Variants in ANO6 observed in about 807,000 individuals in gnomAD.
ANO6 encodes anoctamin-6.
In ANO6, 106 loss-of-function variants were observed where a neutral mutation model predicts 117.5. That is an observed-to-expected ratio of 0.90 (90% confidence interval 0.77 to 1.06). ANO6 has a LOEUF of 1.06. ANO6 is among the 50% of genes least tolerant of loss of function. The pLI, the probability that ANO6 is intolerant of heterozygous loss-of-function variation, is 0.00. For synonymous variants in ANO6, 367 were observed against 385.1 expected (o/e 0.95, Z 0.55); for missense variants, 955 against 1,121.1 (o/e 0.85, Z 2.12).
At chr12:45,258,233 A>G (rs867398901) in intron 1 of ANO6, among the ~76,000 whole-genome samples, 1 of 152,338 alleles carries the variant, frequency 6.6e-6, no homozygotes, top group Middle Eastern at 3.4e-3. Flanking sequence ...TGTATTCAGT[A>G]TAGTGCCTGA....
At chr12:45,253,989 A>G (rs1157523534) in intron 1 of ANO6, among the ~76,000 whole-genome samples, 1 of 152,178 alleles carries the variant, frequency 6.6e-6, no homozygotes, top group Non-Finnish European at 1.5e-5. Flanking sequence ...CAACATGGTG[A>G]AACCCCGTCT....
chr12:45,316,688 T>TA (rs1363901045), intron 2 of ANO6, among the ~76,000 whole-genome samples: 1 of 151,988 alleles, frequency 6.6e-6, no homozygotes, highest in Non-Finnish European at 1.5e-5. Flanking sequence ...TCTTAGGTGT[T>TA]ATAGATTAAA....
chr12:45,404,834 C>T (rs929250248), intron 15 of ANO6, among the ~76,000 whole-genome samples: 2 of 152,170 alleles, frequency 1.3e-5, no homozygotes, highest in African/African-American at 4.8e-5. Context: ...TGCCATGTTG[C>T]CCTCTTGCCT....
intron 15 of ANO6, among the ~76,000 whole-genome samples, chr12:45,405,623 A>G (rs1350597337): frequency 1.3e-5 from 2 of 152,210 alleles, no homozygotes; most frequent in Non-Finnish European, 2.9e-5. Flanking sequence ...TATCAAAGAT[A>G]TATCAGCCAG....
chr12:45,368,658 T>C (rs1312744467), intron 9 of ANO6, among the ~76,000 whole-genome samples: 1 of 152,142 alleles, frequency 6.6e-6, no homozygotes, highest in Non-Finnish European at 1.5e-5. Context: ...TTCAGAGCAT[T>C]TTCCTTACAA....
intron 7 of ANO6, among the ~76,000 whole-genome samples, chr12:45,352,782 C>T (rs1027315291): frequency 1.3e-5 from 2 of 151,858 alleles, no homozygotes; most frequent in Non-Finnish European, 2.9e-5. Context: ...TCAGATTTCC[C>T]TTATTGTCCC....
intron 2 of ANO6, among the ~76,000 whole-genome samples, chr12:45,327,084 A>G (rs1262352991): frequency 1.3e-5 from 2 of 152,200 alleles, no homozygotes; most frequent in African/African-American, 2.4e-5. Flanking sequence ...GGATTTCATC[A>G]GTAAGAAGAC....
intron 2 of ANO6, among the ~76,000 whole-genome samples, chr12:45,314,692 G>A (rs1219793514): frequency 6.6e-6 from 1 of 151,928 alleles, no homozygotes; most frequent in African/African-American, 2.4e-5. Flanking sequence ...ATATAATCAG[G>A]ATTTTACCAG....
Position 45,235,540 on chromosome 12 carries a change from G to A in ANO6, c.70+19149G>A, listed in dbSNP as rs151036316. ...TTCTATTCAAAAGCAGCTTCTCAGG[G>A]CTGAGGAATGACCTAGTTGAGTGGC... On this transcript the variant is annotated intron_variant, in intron 1 of 19. Coordinates refer to ENST00000320560, the MANE Select transcript of ANO6 (RefSeq NM_001025356.3). Among the ~76,000 whole-genome samples, 244 of 152,264 alleles carry A rather than the reference G, an allele frequency of 1.6e-3. 2 individuals carry two copies. The highest frequency in any genetic ancestry group is 5.6e-3 in the African/African-American group (233 of 41,542).
At chr12:45,388,127 A>C (rs760527647) in intron 10 of ANO6, 34 bp from the exon 11 acceptor site, 1 of 1,612,986 alleles carries the variant, frequency 6.2e-7, no homozygotes, top group African/African-American at 1.3e-5. Flanking sequence ...GTCATCATTG[A>C]AAATCCACAC....
intron 9 of ANO6, among the ~76,000 whole-genome samples, chr12:45,373,668 A>G (rs1386833039): frequency 6.6e-6 from 1 of 152,226 alleles, no homozygotes; most frequent in African/African-American, 2.4e-5. Context: ...ACCAATGAGA[A>G]CAAAGACACA....
chr12:45,394,664 C>G (rs1399007149), intron 12 of ANO6, among the ~76,000 whole-genome samples: 1 of 152,226 alleles, frequency 6.6e-6, no homozygotes, highest in Non-Finnish European at 1.5e-5. Flanking sequence ...ACAGTGCAAT[C>G]AAACTAGAAC....
rs535867310 is a variant in ANO6, at chr12:45,317,390, C to T, written c.151-13905C>T. Among the ~76,000 whole-genome samples the T allele has an allele frequency of 8.7e-5, 13 of 148,596 alleles. No individual in the cohort carries two copies. The South Asian group carries it at 1.5e-3, about 17-fold the overall frequency. ...TGAAGTGTTTGGTTTTTTGTCCTTG[C>T]GATAGTTTGCTGAGAATGATGGTTT... is the stretch of plus-strand genomic sequence containing the variant. On this transcript the variant is annotated intron_variant, in intron 2 of 19. Coordinates refer to ENST00000320560, the MANE Select transcript of ANO6 (RefSeq NM_001025356.3).
intron 1 of ANO6, among the ~76,000 whole-genome samples, chr12:45,294,848 A>G (rs1023886795): frequency 5.3e-5 from 8 of 152,250 alleles, no homozygotes; most frequent in Admixed American, 1.3e-4. Flanking sequence ...TTGTCAAGAT[A>G]GAAGTCAGAA....
intron 1 of ANO6, among the ~76,000 whole-genome samples, chr12:45,297,699 T>A (rs1939340480): frequency 6.6e-6 from 1 of 152,212 alleles, no homozygotes; most frequent in African/African-American, 2.4e-5. Context: ...TTCACTATAC[T>A]AATTGCATTG....
chr12:45,244,175 C>T (rs889262912), intron 1 of ANO6, among the ~76,000 whole-genome samples: 10 of 152,046 alleles, frequency 6.6e-5, no homozygotes, highest in Admixed American at 2.0e-4. Context: ...TTGTGATTGT[C>T]GCCTTATTTT....
chr12:45,290,578 ATAG>A (rs1256137687), intron 1 of ANO6, among the ~76,000 whole-genome samples: 1 of 152,218 alleles, frequency 6.6e-6, no homozygotes, highest in Non-Finnish European at 1.5e-5. Context: ...CTGTGAAGCA[ATAG>A]TAGTAGTGTT....
At chr12:45,374,588 G>T (rs1202344302) in intron 9 of ANO6, among the ~76,000 whole-genome samples, 1 of 116,914 alleles carries the variant, frequency 8.6e-6, no homozygotes, top group East Asian at 2.5e-4. Context: ...TATAAACAGA[G>T]CCAAAGACAA....
chr12:45,339,979 G>A (rs1281689752), intron 3 of ANO6, among the ~76,000 whole-genome samples: 3 of 152,036 alleles, frequency 2.0e-5, no homozygotes, highest in East Asian at 1.9e-4. Flanking sequence ...CTTAGACATT[G>A]CAGTCCCTGC....
Sources: allele counts gnomAD v4.1 joint callset (sites outside exome capture counted in the v4.1 genomes callset), GRCh38; gene constraint gnomAD v4.1.1; transcripts MANE v1.5; gene names NCBI Gene and HGNC (gene_info 2026-07-23, HGNC 2026-07-21).